Variants in DNAH3 observed in about 807,000 individuals in gnomAD.
DNAH3 encodes the protein axonemal beta dynein heavy chain 3.
Under a neutral mutation model 432.5 loss-of-function variants are expected in DNAH3, and 332 were observed. That is an observed-to-expected ratio of 0.77 (90% CI 0.70 to 0.84). DNAH3 has a LOEUF of 0.84. Among genes scored for constraint, DNAH3 ranks in the 40% least tolerant of loss-of-function variants. DNAH3 has a pLI of 0.00. For synonymous variants in DNAH3, 1,956 were observed against 1,900.2 expected (o/e 1.03, Z -0.76); for missense variants, 4,861 against 5,114.0 (o/e 0.95, Z 1.51).
chr16:21,143,000 T>A (rs550986812), intron 3 of DNAH3, among the ~76,000 whole-genome samples: 1 of 152,248 alleles, frequency 6.6e-6, no homozygotes, highest in African/African-American at 2.4e-5. Context: ...CAAGTACAAA[T>A]GTATTTTAAT....
chr16:21,148,354 G>A (rs1290228240), intron 1 of DNAH3, among the ~76,000 whole-genome samples: 1 of 152,050 alleles, frequency 6.6e-6, no homozygotes, highest in African/African-American at 2.4e-5. Flanking sequence ...GAAAATGAGG[G>A]TGAGAAGATA....
chr16:21,023,145 TATAG>T (rs1567653129), intron 39 of DNAH3, among the ~76,000 whole-genome samples: 6 of 152,296 alleles, frequency 3.9e-5, no homozygotes, highest in African/African-American at 1.4e-4. Flanking sequence ...TGTGGATCTA[TATAG>T]ATAATTTATG....
At chr16:20,944,451 C>G in intron 58 of DNAH3, 45 bp downstream of exon 58, 1 of 1,608,718 alleles carries the variant, frequency 6.2e-7, no homozygotes, top group Non-Finnish European at 8.5e-7. Flanking sequence ...GGATGAAGAA[C>G]TGCCTGGGAA....
chr16:20,989,382 A>G (rs545092543), intron 44 of DNAH3, among the ~76,000 whole-genome samples: 2 of 151,742 alleles, frequency 1.3e-5, no homozygotes, highest in East Asian at 3.9e-4. Context: ...CAGGGTGCTG[A>G]TTGGTGTGTT....
chr16:21,023,462 T>A (rs1290580451), intron 39 of DNAH3, among the ~76,000 whole-genome samples: 1 of 152,160 alleles, frequency 6.6e-6, no homozygotes, highest in Non-Finnish European at 1.5e-5. Context: ...AAAGAAGCCT[T>A]CCTGGAGGAG....
chr16:21,023,999 G>A (rs2088402110), intron 39 of DNAH3, among the ~76,000 whole-genome samples: 1 of 152,100 alleles, frequency 6.6e-6, no homozygotes, highest in Non-Finnish European at 1.5e-5. Context: ...TAACACAGGG[G>A]AGGGCAAGAG....
rs756943891 is a variant in DNAH3, at chr16:21,003,088, A to G, written c.6126+16T>C. 15 of 1,530,582 alleles carry G rather than the reference A, an allele frequency of 9.8e-6. No homozygotes were observed. Among genetic ancestry groups the G allele is most frequent in the Middle Eastern group, 3.4e-4 (2 of 5,922 alleles). The allele number at this position is 1,530,582 out of a possible 1,614,324, so 94.8% of individuals were successfully genotyped here. ...TCTGGAAACCAAAGTTCCATGGCCA[A>G]TGATTCTCTTTATACCTTTGCACCA... On this transcript the variant is annotated intron_variant, in intron 42 of 61. Coordinates refer to ENST00000261383, the Ensembl canonical transcript of DNAH3.
chr16:21,007,467 C>A (rs2087365091), intron 41 of DNAH3, among the ~76,000 whole-genome samples: 1 of 152,300 alleles, frequency 6.6e-6, no homozygotes, highest in South Asian at 2.1e-4. Context: ...CCCACCTCAA[C>A]TTCCCAAAGG....
intron 56 of DNAH3, among the ~76,000 whole-genome samples, chr16:20,951,772 T>G (rs2084326153): frequency 1.9e-5 from 2 of 107,002 alleles, no homozygotes; most frequent in African/African-American, 3.8e-5. Context: ...TGAGATAGAG[T>G]CTCTGTCACC....
At chr16:21,020,595 G>A (rs1049042082) in intron 40 of DNAH3, among the ~76,000 whole-genome samples, 1 of 149,748 alleles carries the variant, frequency 6.7e-6, no homozygotes, top group Non-Finnish European at 1.5e-5. Context: ...TAGAGACGGG[G>A]TTTTACTGTG....
At chr16:21,145,947 A>G in intron 2 of DNAH3, 37 bp downstream of exon 3, 1 of 1,346,882 alleles carries the variant, frequency 7.4e-7, no homozygotes, top group South Asian at 1.2e-5. Flanking sequence ...TCACCTCCTC[A>G]CCCTCAACAG....
intron 53 of DNAH3, 105 bp from the exon 54 acceptor site, chr16:20,959,509 C>T: frequency 8.6e-7 from 1 of 1,163,048 alleles, no homozygotes; most frequent in Non-Finnish European, 1.2e-6. Context: ...GTGGCTCACA[C>T]CTGTAATCCC....
At chr16:21,133,910 G>C (rs775616101) in intron 7 of DNAH3, among the ~76,000 whole-genome samples, 16 of 152,112 alleles carry the variant, frequency 1.1e-4, no homozygotes, top group Non-Finnish European at 2.1e-4. Context: ...CGCAAATTTA[G>C]AGGTAAAGGA....
intron 48 of DNAH3, chr16:20,985,050 G>T: frequency 1.3e-6 from 2 of 1,594,862 alleles, no homozygotes; most frequent in Non-Finnish European, 1.7e-6. Flanking sequence ...TCTTCTTACC[G>T]AGGACAATGT....
chr16:21,138,811 T>TAAAA (rs368103118), intron 5 of DNAH3, among the ~76,000 whole-genome samples: 2 of 146,356 alleles, frequency 1.4e-5, no homozygotes, highest in African/African-American at 2.5e-5. Flanking sequence ...CTCCCTCTAA[T>TAAAA]AAAAAAAAAA....
rs371835242 is a variant in DNAH3, at chr16:20,941,255, G to A, written c.11654+146C>T. 27 of 840,596 alleles carry A rather than the reference G, an allele frequency of 3.2e-5. No individual in the cohort carries two copies. The East Asian group carries it at 6.1e-4, about 19-fold the overall frequency. 52.1% of individuals were successfully genotyped at this position (840,596 alleles called of 1,614,324 possible). On this transcript the variant is annotated intron_variant, in intron 59 of 61. Coordinates refer to ENST00000261383, the Ensembl canonical transcript of DNAH3. ...CCAGGGTCAGCATGTGCTGGGGATG[G>A]TCCTATTCACAGCCCCTATTCACAC... is the stretch of plus-strand genomic sequence containing the variant.
At chr16:21,038,128 A>T in intron 33 of DNAH3, 148 bp from the exon 34 acceptor site, 1 of 662,356 alleles carries the variant, frequency 1.5e-6, no homozygotes, top group Non-Finnish European at 2.6e-6. Context: ...GGATATTTTA[A>T]TAGAGTTACC....
chr16:21,127,906 A>G (rs1252273541), intron 7 of DNAH3, 94 bp from the exon 9 acceptor site: 1 of 1,438,606 alleles, frequency 7.0e-7, no homozygotes, highest in African/African-American at 1.4e-5. Flanking sequence ...CACGTTTCTC[A>G]ATGAAAGTTA....
At chr16:20,963,217 C>T (rs536720759) in intron 53 of DNAH3, 67 bp downstream of exon 53, 110 of 1,454,320 alleles carry the variant, frequency 7.6e-5, no homozygotes, top group South Asian at 1.2e-4. Context: ...CTGTAAGGGA[C>T]GGGCTACTGA....
Sources: allele counts gnomAD v4.1 joint callset (sites outside exome capture counted in the v4.1 genomes callset), GRCh38; gene constraint gnomAD v4.1.1; transcripts MANE v1.5; gene names NCBI Gene and HGNC (gene_info 2026-07-23, HGNC 2026-07-21).